PLA2R1: variants seen among roughly 807,000 people sequenced by gnomAD.
The protein encoded by PLA2R1 is phospholipase A2 receptor 1.
A neutral mutation model predicts 195.9 loss-of-function variants in PLA2R1; 158 were observed. The ratio of observed to expected loss-of-function variants is 0.81; its 90% CI spans 0.71 to 0.92. The LOEUF (loss-of-function observed/expected upper bound fraction) is 0.92, where lower values mean the gene tolerates loss of function less well. Among genes scored for constraint, PLA2R1 ranks in the 40% least tolerant of loss-of-function variants. PLA2R1 has a pLI of 0.00. For synonymous variants in PLA2R1, 586 were observed against 598.2 expected (o/e 0.98, Z 0.30); for missense variants, 1,626 against 1,764.6 (o/e 0.92, Z 1.41).
chr2:159,964,020 T>TCA (rs141685985), intron 20 of PLA2R1, among the ~76,000 whole-genome samples: 21 of 151,392 alleles, frequency 1.4e-4, no homozygotes, highest in East Asian at 5.8e-4. Context: ...TATGCAATAT[T>TCA]CACACACACA....
rs28526378 is a variant in PLA2R1 at position 159,993,812 on chromosome 2, T to C, written c.1835-6454A>G. Among the ~76,000 whole-genome samples the C allele has an allele frequency of 7.8e-3, 1,189 of 152,086 alleles. 16 individuals carry two copies. Among genetic ancestry groups the C allele is most frequent in the African/African-American group, 0.027 (1,138 of 41,486 alleles). On this transcript the variant is annotated intron_variant, in intron 11 of 29. Transcript: ENST00000283243. ...TATCAAATATGTTTAAAACCCTTAC[T>C]CCATAGTAATGCTAAAAAAAGAAAA...
At chr2:160,060,758 A>G (rs2105729790) in intron 1 of PLA2R1, among the ~76,000 whole-genome samples, 1 of 152,326 alleles carries the variant, frequency 6.6e-6, no homozygotes, top group East Asian at 1.9e-4. Flanking sequence ...TCACCAGCAC[A>G]TACTCTCTGT....
intron 11 of PLA2R1, among the ~76,000 whole-genome samples, chr2:159,992,393 A>G (rs1297365613): frequency 6.7e-6 from 1 of 150,266 alleles, no homozygotes; most frequent in Non-Finnish European, 1.5e-5. Context: ...GAGCCAAATC[A>G]TGAGTGAACT....
At chr2:159,983,532 G>A (rs544221962) in intron 13 of PLA2R1, among the ~76,000 whole-genome samples, 2 of 151,164 alleles carry the variant, frequency 1.3e-5, no homozygotes, top group Non-Finnish European at 2.9e-5. Flanking sequence ...GCTGGTCAGA[G>A]CCGCTCTGGT....
chr2:160,013,615 G>A (rs1253263989), intron 9 of PLA2R1, among the ~76,000 whole-genome samples: 5 of 149,694 alleles, frequency 3.3e-5, no homozygotes, highest in South Asian at 2.1e-4. Context: ...AACTTAAAAC[G>A]TAAAACCTTA....
At chr2:160,059,916 G>C (rs1262228516) in intron 1 of PLA2R1, among the ~76,000 whole-genome samples, 4 of 152,058 alleles carry the variant, frequency 2.6e-5, no homozygotes, top group Non-Finnish European at 4.4e-5. Context: ...CCTCCCCCTG[G>C]GTCCCTCCCA....
At chr2:160,029,163 T>C (rs1558964494) in intron 4 of PLA2R1, among the ~76,000 whole-genome samples, 200 bp from the exon 5 acceptor site, 1 of 152,180 alleles carries the variant, frequency 6.6e-6, no homozygotes, top group East Asian at 1.9e-4. Context: ...ACAGCTGTTT[T>C]TCAACTGTGA....
chr2:160,020,386 G>A (rs1000207411), intron 7 of PLA2R1, 123 bp from the exon 8 acceptor site: 16 of 654,890 alleles, frequency 2.4e-5, no homozygotes, highest in Middle Eastern at 4.2e-4. Context: ...TTTGCATGAT[G>A]AAATCTGTTT....
intron 20 of PLA2R1, among the ~76,000 whole-genome samples, chr2:159,966,314 C>T (rs1446657602): frequency 6.6e-6 from 1 of 152,140 alleles, no homozygotes; most frequent in Non-Finnish European, 1.5e-5. Flanking sequence ...TCTGATTCCA[C>T]TTACATGAGG....
At chr2:160,057,798 T>C (rs1446152052) in intron 1 of PLA2R1, among the ~76,000 whole-genome samples, 4 of 152,212 alleles carry the variant, frequency 2.6e-5, no homozygotes, top group Non-Finnish European at 4.4e-5. Context: ...TTGGTTTCCT[T>C]CTCACACCCT....
At chr2:159,985,777 A>G (rs1690282939) in intron 12 of PLA2R1, among the ~76,000 whole-genome samples, 2 of 152,144 alleles carry the variant, frequency 1.3e-5, no homozygotes, top group Admixed American at 1.3e-4. Context: ...TGTATGAACA[A>G]TATTGACTGG....
chr2:160,028,813 T>C (rs1223707472), intron 5 of PLA2R1, 37 bp downstream of exon 5: 2 of 1,201,178 alleles, frequency 1.7e-6, no homozygotes, highest in African/African-American at 1.5e-5. Context: ...TGCAAGATGA[T>C]GCCACGTGAC....
intron 3 of PLA2R1, among the ~76,000 whole-genome samples, chr2:160,037,962 C>T (rs538444094): frequency 1.3e-5 from 2 of 152,274 alleles, no homozygotes; most frequent in East Asian, 1.9e-4. Flanking sequence ...TTCACATTCA[C>T]GGTTATAACC....
Position 160,052,782 on chromosome 2 carries a change from T to G in PLA2R1, c.110-7625A>C, listed in dbSNP as rs189442159. 1.4e-4 allele frequency among the ~76,000 whole-genome samples: 22 copies of G among 152,202 alleles called. No individual in the cohort carries two copies. The East Asian group carries it at 4.3e-3, about 29-fold the overall frequency. On this transcript the variant is annotated intron_variant, in intron 1 of 29. Transcript: ENST00000283243. ...ACAAAACCAGAAAACAACTCCATCATCAACCAAAACAACTCCGGAAATGAT... is the reference window on the plus strand; with the variant it reads ...ACAAAACCAGAAAACAACTCCATCAGCAACCAAAACAACTCCGGAAATGAT...
chr2:159,989,580 A>G (rs373284516), intron 11 of PLA2R1, among the ~76,000 whole-genome samples: 33 of 152,326 alleles, frequency 2.2e-4, no homozygotes, highest in Non-Finnish European at 4.3e-4. Context: ...AAACTTGAGG[A>G]TGTGAATTAA....
At chr2:160,024,996 G>A (rs760239011) in intron 6 of PLA2R1, among the ~76,000 whole-genome samples, 1 of 152,122 alleles carries the variant, frequency 6.6e-6, no homozygotes, top group Non-Finnish European at 1.5e-5. Context: ...CCACTGCCTG[G>A]TGCTTCATCC....
chr2:159,933,712 TG>T lies in PLA2R1; in HGVS notation c.*8065del, dbSNP rs1686685636. The stretch of plus-strand genomic sequence containing the variant: ...TAAATAAATGTTTACTGATCATAAT[TG>T]TTTATTGATATATTTTAAGTGCTGT... On this transcript the variant is annotated 3_prime_UTR_variant, in exon 30 of 30. Transcript: ENST00000283243. The T allele has an allele frequency of 2.0e-5, 3 of 152,370 alleles. No individual in the cohort carries two copies. In the South Asian group the frequency reaches 6.2e-4, roughly 32 times the overall value. 9.4% of individuals were successfully genotyped at this position (152,370 alleles called of 1,614,324 possible).
At chr2:159,952,847 T>C (rs1687835656) in intron 23 of PLA2R1, among the ~76,000 whole-genome samples, 2 of 152,186 alleles carry the variant, frequency 1.3e-5, no homozygotes, top group South Asian at 4.1e-4. Context: ...CTGACCTTTA[T>C]CTGAAACCAT....
intron 11 of PLA2R1, among the ~76,000 whole-genome samples, chr2:160,005,364 G>A (rs1373750029): frequency 6.6e-6 from 1 of 152,122 alleles, no homozygotes; most frequent in Non-Finnish European, 1.5e-5. Flanking sequence ...GAGCCCAGGA[G>A]GTCAAGGCTG....
Sources: allele counts gnomAD v4.1 joint callset (sites outside exome capture counted in the v4.1 genomes callset), GRCh38; gene constraint gnomAD v4.1.1; transcripts MANE v1.5; gene names NCBI Gene and HGNC (gene_info 2026-07-23, HGNC 2026-07-21).